Variants in METTL15 observed in about 807,000 individuals in gnomAD.
METTL15 encodes 12S rRNA N(4)-cytidine methyltransferase METTL15.
In METTL15, 34 loss-of-function variants were observed where a neutral mutation model predicts 38.3. The observed-to-expected ratio is 0.89, with a 90% CI of 0.68 to 1.18. METTL15 has a LOEUF of 1.18. METTL15 is among the 50% of genes most tolerant of loss of function. The pLI, the probability that METTL15 is intolerant of heterozygous loss-of-function variation, is 0.00. For synonymous variants in METTL15, 162 were observed against 170.9 expected (o/e 0.95, Z 0.41); for missense variants, 438 against 498.4 (o/e 0.88, Z 1.15).
intron 6 of METTL15, among the ~76,000 whole-genome samples, chr11:28,474,861 T>TTCATCC (rs1851332253): frequency 1.3e-5 from 2 of 152,184 alleles, no homozygotes; most frequent in African/African-American, 4.8e-5. Flanking sequence ...CCCATGCAGT[T>TTCATCC]ACTAATGGTG....
intron 6 of METTL15, among the ~76,000 whole-genome samples, chr11:28,502,196 AG>A (rs755570000): frequency 3.3e-5 from 5 of 152,162 alleles, no homozygotes; most frequent in Admixed American, 6.5e-5. Context: ...GAGTTAAATG[AG>A]GCGAGAGAAA....
At chr11:28,395,501 C>A (rs1240075726) in intron 5 of METTL15, among the ~76,000 whole-genome samples, 1 of 152,042 alleles carries the variant, frequency 6.6e-6, no homozygotes, top group Non-Finnish European at 1.5e-5. Flanking sequence ...ACTAGAAAAT[C>A]TAGAAGAAAT....
At chr11:28,338,169 C>T (rs901978383), downstream of METTL15, among the ~76,000 whole-genome samples, 1 of 151,702 alleles carries the variant, frequency 6.6e-6, no homozygotes, top group Non-Finnish European at 1.5e-5. Flanking sequence ...GTGTCTTTCC[C>T]TCAGCCTGCA....
downstream of METTL15, among the ~76,000 whole-genome samples, chr11:28,334,456 A>G (rs537030971): frequency 9.2e-5 from 14 of 152,194 alleles, no homozygotes; most frequent in African/African-American, 3.4e-4. Flanking sequence ...TTTGTGTAGC[A>G]GCATTCTATA....
At chr11:28,391,647 C>T (rs1850509543) in intron 5 of METTL15, among the ~76,000 whole-genome samples, 2 of 152,026 alleles carry the variant, frequency 1.3e-5, no homozygotes, top group East Asian at 1.9e-4. Context: ...ACAGAGCCCT[C>T]GGAAATAACA....
At chr11:28,233,737 C>T (rs2133887132) in intron 4 of METTL15, among the ~76,000 whole-genome samples, 1 of 152,094 alleles carries the variant, frequency 6.6e-6, no homozygotes, top group African/African-American at 2.4e-5. Flanking sequence ...GAATACTTCT[C>T]CTTTGTAGTT....
intron 3 of METTL15, among the ~76,000 whole-genome samples, chr11:28,159,244 A>G (rs1176232413): frequency 1.3e-5 from 2 of 152,160 alleles, no homozygotes; most frequent in East Asian, 1.9e-4. Flanking sequence ...GACCTGGACT[A>G]TGAAGATGAA....
At chr11:28,371,979 T>C (rs1404197492) in intron 5 of METTL15, among the ~76,000 whole-genome samples, 1 of 152,042 alleles carries the variant, frequency 6.6e-6, no homozygotes. Flanking sequence ...ATGCCTTTTT[T>C]TCTTTCTCTC....
chr11:28,143,474 A>G (rs1849769047), intron 3 of METTL15, among the ~76,000 whole-genome samples: 1 of 152,080 alleles, frequency 6.6e-6, no homozygotes, highest in Non-Finnish European at 1.5e-5. Context: ...TTCAAAAACT[A>G]CTGAAGAAGC....
At chr11:28,326,989 C>T (rs1249635678) in intron 6 of METTL15, among the ~76,000 whole-genome samples, 4 of 152,000 alleles carry the variant, frequency 2.6e-5, no homozygotes, top group South Asian at 4.1e-4. Context: ...TCATTTTACA[C>T]GATCTGCTTT....
chr11:28,121,668 GT>G (rs1695063622), intron 3 of METTL15, among the ~76,000 whole-genome samples: 1 of 151,996 alleles, frequency 6.6e-6, no homozygotes, highest in African/African-American at 2.4e-5. Flanking sequence ...ATAGACAATT[GT>G]TTTATGATGA....
chr11:28,196,194 G>A, intron 3 of METTL15, among the ~76,000 whole-genome samples: 1 of 151,858 alleles, frequency 6.6e-6, no homozygotes, highest in Non-Finnish European at 1.5e-5. Context: ...GCTCTTTATT[G>A]GTTCCATATG....
intron 5 of METTL15, among the ~76,000 whole-genome samples, chr11:28,421,235 G>GA (rs763137084): frequency 9.9e-5 from 15 of 151,912 alleles, no homozygotes; most frequent in South Asian, 2.1e-4. Flanking sequence ...TCTCCCAGCA[G>GA]AAAAAAGCCT....
intron 6 of METTL15, among the ~76,000 whole-genome samples, chr11:28,481,709 G>T (rs1323173446): frequency 1.3e-5 from 2 of 152,132 alleles, no homozygotes; most frequent in African/African-American, 4.8e-5. Flanking sequence ...CTTCAAAGCC[G>T]CAGCTCAGGC....
intron 4 of METTL15, among the ~76,000 whole-genome samples, chr11:28,270,002 A>T (rs188346598): frequency 6.6e-6 from 1 of 152,218 alleles, no homozygotes; most frequent in Non-Finnish European, 1.5e-5. Flanking sequence ...GGAATAACTA[A>T]CTTCAGTCAG....
intron 6 of METTL15, among the ~76,000 whole-genome samples, chr11:28,481,652 C>A (rs952079885): frequency 4.6e-5 from 7 of 152,136 alleles, no homozygotes; most frequent in South Asian, 2.1e-4. Context: ...CACATCCCAT[C>A]CTGGCCCAGA....
At chr11:28,421,704 C>T (rs914899299) in intron 5 of METTL15, among the ~76,000 whole-genome samples, 3 of 151,600 alleles carry the variant, frequency 2.0e-5, no homozygotes, top group African/African-American at 4.8e-5. Flanking sequence ...TAATAAAAAC[C>T]GTATATGACA....
chr11:28,525,974 A>C (rs1428772519), intron 6 of METTL15, among the ~76,000 whole-genome samples: 1 of 152,180 alleles, frequency 6.6e-6, no homozygotes, highest in Non-Finnish European at 1.5e-5. Context: ...CCCGGCGAGA[A>C]ATTGAGCACA....
intron 3 of METTL15, among the ~76,000 whole-genome samples, chr11:28,140,798 G>A (rs972814144): frequency 6.6e-6 from 1 of 152,206 alleles, no homozygotes; most frequent in Admixed American, 6.5e-5. Flanking sequence ...TTCCCTACTT[G>A]TATAAGGTGT....
Sources: gnomAD v4.1 joint callset for allele counts (sites outside exome capture counted in the v4.1 genomes callset) on GRCh38, gnomAD v4.1.1 for gene constraint, MANE v1.5 for transcripts, NCBI Gene and HGNC (gene_info 2026-07-23, HGNC 2026-07-21) for gene names.